FRMD4A: variants seen among roughly 807,000 people sequenced by gnomAD.
FRMD4A encodes FERM domain containing 4A.
Under a neutral mutation model 129.1 loss-of-function variants are expected in FRMD4A, and 29 were observed. That is an observed-to-expected ratio of 0.22 (90% CI 0.17 to 0.31). The LOEUF is 0.31. Ranked by LOEUF, FRMD4A falls within the 10% of genes least tolerant of loss-of-function variation. The probability of loss-of-function intolerance (pLI) is 1.00; values close to 1 mark genes in which losing one functional copy is unlikely to be tolerated. For synonymous variants in FRMD4A, 634 were observed against 571.6 expected, an observed-to-expected ratio of 1.11 and a Z score of -1.56; for missense variants, 1,272 against 1,375.8, an observed-to-expected ratio of 0.92 and a Z score of 1.19.
intron 2 of FRMD4A, among the ~76,000 whole-genome samples, chr10:14,080,997 T>C (rs1037227171): frequency 7.9e-5 from 12 of 152,056 alleles, no homozygotes; most frequent in African/African-American, 2.7e-4. Context: ...GTAAGCACTG[T>C]CCTAACTAAA....
At chr10:13,988,198 A>T (rs2095589086) in intron 2 of FRMD4A, among the ~76,000 whole-genome samples, 1 of 152,190 alleles carries the variant, frequency 6.6e-6, no homozygotes, top group Non-Finnish European at 1.5e-5. Context: ...ATTATACACA[A>T]CCGTAAAGAC....
At chr10:14,279,343 T>A (rs1845444736) in intron 2 of FRMD4A, among the ~76,000 whole-genome samples, 3 of 151,938 alleles carry the variant, frequency 2.0e-5, no homozygotes, top group South Asian at 4.2e-4. Context: ...CCCACCACCA[T>A]ATTTGGCAAA....
At chr10:14,204,934 G>A (rs1310817408) in intron 2 of FRMD4A, among the ~76,000 whole-genome samples, 1 of 152,146 alleles carries the variant, frequency 6.6e-6, no homozygotes, top group Non-Finnish European at 1.5e-5. Flanking sequence ...TGCCCCAACA[G>A]AGCCCGGAGA....
At chr10:13,884,142 ACTCT>A (rs1266058328) in intron 2 of FRMD4A, among the ~76,000 whole-genome samples, 381 of 29,492 alleles carry the variant, frequency 0.013, 7 homozygotes, top group African/African-American at 0.025. Flanking sequence ...GCTCACACAC[ACTCT>A]CACACACTCT....
chr10:13,754,950 C>T lies in FRMD4A; in HGVS notation c.464+6697G>A, dbSNP rs566891058. On this transcript the variant is annotated intron_variant, in intron 8 of 24. Transcript: ENST00000357447. Reference sequence around the variant, plus strand: ...AAATATGCCCCAAATGATCTAATAACGATTTGAAACCGAGCTAGCTAGAGC... The same window carrying T: ...AAATATGCCCCAAATGATCTAATAATGATTTGAAACCGAGCTAGCTAGAGC... Among the ~76,000 whole-genome samples the T allele has an allele frequency of 1.5e-3, 235 of 152,166 alleles. 1 individual carries two copies. The highest frequency in any genetic ancestry group is 2.5e-3 in the Non-Finnish European group (167 of 68,012).
At chr10:14,139,709 C>T (rs1839738549) in intron 2 of FRMD4A, among the ~76,000 whole-genome samples, 3 of 152,146 alleles carry the variant, frequency 2.0e-5, no homozygotes, top group Non-Finnish European at 4.4e-5. Context: ...TTCAGCCTCT[C>T]AGACTGTTAA....
intron 2 of FRMD4A, among the ~76,000 whole-genome samples, chr10:14,142,951 C>G (rs1261942627): frequency 6.6e-6 from 1 of 151,542 alleles, no homozygotes; most frequent in Non-Finnish European, 1.5e-5. Context: ...AGTGAGATGC[C>G]ACCTCACCTC....
At chr10:13,885,611 C>T (rs928649492) in intron 2 of FRMD4A, among the ~76,000 whole-genome samples, 8 of 152,216 alleles carry the variant, frequency 5.3e-5, no homozygotes, top group East Asian at 1.9e-4. Flanking sequence ...TGGATAACCC[C>T]CAGATCACAT....
At chr10:13,696,956 GCTAA>G (rs1199691991) in intron 14 of FRMD4A, among the ~76,000 whole-genome samples, 2 of 152,180 alleles carry the variant, frequency 1.3e-5, no homozygotes, top group East Asian at 3.9e-4. Context: ...GCTGTAATTT[GCTAA>G]CTGAGGTTAG....
At chr10:14,121,504 C>T (rs1040880669) in intron 2 of FRMD4A, among the ~76,000 whole-genome samples, 3 of 152,198 alleles carry the variant, frequency 2.0e-5, no homozygotes, top group Non-Finnish European at 4.4e-5. Context: ...TCACACACCA[C>T]GCTTTGAGGA....
At chr10:13,952,623 A>G (rs1289323803) in intron 2 of FRMD4A, among the ~76,000 whole-genome samples, 5 of 152,210 alleles carry the variant, frequency 3.3e-5, no homozygotes, top group African/African-American at 1.2e-4. Context: ...TAGAAGCATG[A>G]TGGTTCAAAT....
rs546864916 is a variant in FRMD4A at position 14,259,480 on chromosome 10, G to T, written c.45+70578C>A. 2.0e-5 allele frequency among the ~76,000 whole-genome samples: 3 copies of T among 152,186 alleles called. No individual in the cohort carries two copies. The East Asian group carries it at 5.8e-4, about 29-fold the overall frequency. The stretch of plus-strand genomic sequence containing the variant: ...AAATGCTGATGATGCAGTGAGATCA[G>T]TATTCATACTCCTGCAAATGTAATA... On this transcript the variant is annotated intron_variant, in intron 2 of 24. Transcript: ENST00000357447.
At chr10:13,907,773 A>G (rs1219911037) in intron 2 of FRMD4A, among the ~76,000 whole-genome samples, 1 of 152,054 alleles carries the variant, frequency 6.6e-6, no homozygotes, top group Non-Finnish European at 1.5e-5. Context: ...TCAAATATTT[A>G]CACACTCATA....
chr10:13,865,435 T>TTTATTTTATA (rs2094353474), intron 2 of FRMD4A, among the ~76,000 whole-genome samples: 1 of 148,112 alleles, frequency 6.8e-6, no homozygotes, highest in Admixed American at 6.8e-5. Context: ...TTTATTTTAT[T>TTTATTTTATA]TTATTTTATT....
intron 2 of FRMD4A, among the ~76,000 whole-genome samples, chr10:13,949,463 T>C (rs544203624): frequency 6.6e-6 from 1 of 152,326 alleles, no homozygotes; most frequent in Admixed American, 6.5e-5. Flanking sequence ...GAGTTTTCTT[T>C]TAGTATTCAT....
At chr10:14,113,787 C>CGT (rs139348888) in intron 2 of FRMD4A, among the ~76,000 whole-genome samples, 1,949 of 152,012 alleles carry the variant, frequency 0.013, 35 homozygotes, top group African/African-American at 0.044. Context: ...CGCGTGTGTG[C>CGT]GTGTGTGTGT....
At chr10:14,254,567 C>T (rs571387218) in intron 2 of FRMD4A, among the ~76,000 whole-genome samples, 2 of 152,232 alleles carry the variant, frequency 1.3e-5, no homozygotes, top group African/African-American at 4.8e-5. Flanking sequence ...CCTGTGGATA[C>T]GCCTAGCACC....
chr10:14,098,512 T>A (rs1443367150), intron 2 of FRMD4A, among the ~76,000 whole-genome samples: 1 of 152,122 alleles, frequency 6.6e-6, no homozygotes, highest in Admixed American at 6.5e-5. Flanking sequence ...CACGCCATTC[T>A]CCTGCCTCAG....
rs938073256 is a variant in FRMD4A at position 13,647,049 on chromosome 10, A to T, written c.*3-14T>A. ...TCATTGTAGCTCCTGTGGGAGGCCCAAGAAAGGAGATGAGACAGTTAGTTA... is the reference window on the plus strand; with the variant it reads ...TCATTGTAGCTCCTGTGGGAGGCCCTAGAAAGGAGATGAGACAGTTAGTTA... On this transcript the variant is annotated splice_polypyrimidine_tract_variant and intron_variant, in intron 24 of 24. Coordinates refer to ENST00000357447, the MANE Select transcript of FRMD4A (RefSeq NM_018027.5). 44 of 773,938 alleles carry T rather than the reference A, an allele frequency of 5.7e-5. No individual in the cohort carries two copies. The highest frequency in any genetic ancestry group is 6.6e-5 in the Non-Finnish European group (42 of 637,000). 47.9% of individuals were successfully genotyped at this position (773,938 alleles called of 1,614,324 possible).
Sources: gnomAD v4.1 joint callset for allele counts (sites outside exome capture counted in the v4.1 genomes callset) on GRCh38, gnomAD v4.1.1 for gene constraint, MANE v1.5 for transcripts, NCBI Gene and HGNC (gene_info 2026-07-23, HGNC 2026-07-21) for gene names.